Variants in DAB1 observed in about 807,000 individuals in gnomAD.
DAB1 encodes disabled homolog 1.
A neutral mutation model predicts 64.6 loss-of-function variants in DAB1; 15 were observed. The observed-to-expected ratio is 0.23, with a 90% confidence interval of 0.16 to 0.36. The LOEUF is 0.36. Among genes scored for constraint, DAB1 ranks in the 10% least tolerant of loss-of-function variants. The pLI, the probability that DAB1 is intolerant of heterozygous loss-of-function variation, is 1.00. For synonymous variants in DAB1, 235 were observed against 251.9 expected (o/e 0.93, Z 0.64); for missense variants, 596 against 706.7 (o/e 0.84, Z 1.78).
At chr1:57,988,974 CT>C (rs1225394030) in intron 5 of DAB1, among the ~76,000 whole-genome samples, 1 of 152,112 alleles carries the variant, frequency 6.6e-6, no homozygotes, top group Non-Finnish European at 1.5e-5. Context: ...CTGGTTTTCT[CT>C]GCTGGAAGAA....
chr1:58,171,904 A>T (rs1342048672), intron 4 of DAB1, among the ~76,000 whole-genome samples: 3 of 152,234 alleles, frequency 2.0e-5, no homozygotes, highest in Admixed American at 2.0e-4. Flanking sequence ...AGCAGGTCAA[A>T]TATTTAGGCC....
intron 5 of DAB1, among the ~76,000 whole-genome samples, chr1:57,920,836 T>G (rs1644797947): frequency 6.6e-6 from 1 of 152,208 alleles, no homozygotes; most frequent in Admixed American, 6.5e-5. Context: ...CTTTGGATTG[T>G]TGCTGGGACT....
chr1:57,433,887 A>G (rs979942016), intron 7 of DAB1, among the ~76,000 whole-genome samples: 3 of 151,872 alleles, frequency 2.0e-5, no homozygotes, highest in African/African-American at 7.2e-5. Context: ...AAGTAGGTAC[A>G]TGAAGAGATG....
At chr1:58,169,461 G>C (rs1656043321) in intron 4 of DAB1, among the ~76,000 whole-genome samples, 1 of 152,112 alleles carries the variant, frequency 6.6e-6, no homozygotes, top group East Asian at 1.9e-4. Context: ...CTAAGCCATT[G>C]GGAACAATTT....
At chr1:57,135,618 C>T (rs542128301) in intron 4 of DAB1, among the ~76,000 whole-genome samples, 2 of 152,142 alleles carry the variant, frequency 1.3e-5, no homozygotes, top group African/African-American at 4.8e-5. Flanking sequence ...TTTTTCTATA[C>T]CTTTTTTCTT....
At chr1:58,520,251 G>GA (rs1040593968) in intron 2 of DAB1, among the ~76,000 whole-genome samples, 1 of 151,522 alleles carries the variant, frequency 6.6e-6, no homozygotes, top group African/African-American at 2.4e-5. Flanking sequence ...CCTAAACGTT[G>GA]AAAAAAATAA....
chr1:57,050,200 G>T (rs1452774433), intron 9 of DAB1, among the ~76,000 whole-genome samples: 1 of 152,126 alleles, frequency 6.6e-6, no homozygotes, highest in Non-Finnish European at 1.5e-5. Flanking sequence ...CCTGGCATGG[G>T]ATCTGTTTTT....
At chr1:57,912,957 T>C (rs930199283) in intron 5 of DAB1, among the ~76,000 whole-genome samples, 11 of 152,234 alleles carry the variant, frequency 7.2e-5, no homozygotes, top group Non-Finnish European at 1.5e-4. Context: ...TACAAACAAA[T>C]GGAAGAACAT....
At chr1:58,522,752 T>C (rs929880636) in intron 2 of DAB1, among the ~76,000 whole-genome samples, 15 of 152,218 alleles carry the variant, frequency 9.9e-5, no homozygotes, top group African/African-American at 3.6e-4. Flanking sequence ...TTATATACTG[T>C]ATTCTTACAA....
intron 1 of DAB1, among the ~76,000 whole-genome samples, chr1:57,877,342 C>T (rs1438434614): frequency 2.6e-5 from 4 of 152,118 alleles, no homozygotes; most frequent in South Asian, 2.1e-4. Context: ...CCTGAGTTTG[C>T]GTAAGTCTTG....
chr1:57,125,256 G>A (rs4537586), intron 4 of DAB1, among the ~76,000 whole-genome samples: 11 of 152,264 alleles, frequency 7.2e-5, no homozygotes, highest in East Asian at 1.9e-4. Context: ...AGGGACTCCC[G>A]CCCTTGGGGA....
At chr1:57,643,456 T>C (rs1161755121) in intron 7 of DAB1, among the ~76,000 whole-genome samples, 1 of 152,208 alleles carries the variant, frequency 6.6e-6, no homozygotes, top group Admixed American at 6.5e-5. Context: ...ATGTCTATTT[T>C]TGCATTTGCT....
At chr1:57,918,694 G>A (rs1157129464) in intron 5 of DAB1, among the ~76,000 whole-genome samples, 1 of 152,104 alleles carries the variant, frequency 6.6e-6, no homozygotes, top group East Asian at 1.9e-4. Flanking sequence ...CATGGTGGCG[G>A]GCACCTGTAG....
chr1:58,154,080 C>A (rs1655089890), intron 4 of DAB1, among the ~76,000 whole-genome samples: 1 of 151,806 alleles, frequency 6.6e-6, no homozygotes, highest in African/African-American at 2.4e-5. Context: ...TTTGTGTTTC[C>A]TCATGTTATC....
chr1:57,848,901 G>A (rs571393079), intron 1 of DAB1, among the ~76,000 whole-genome samples: 8 of 152,216 alleles, frequency 5.3e-5, no homozygotes, highest in East Asian at 3.9e-4. Flanking sequence ...TGGAATTCCC[G>A]TCACTCCAGG....
intron 2 of DAB1, among the ~76,000 whole-genome samples, chr1:57,233,349 G>A (rs1667843015): frequency 2.3e-5 from 3 of 129,320 alleles, no homozygotes. Flanking sequence ...TGCAAGCTCC[G>A]CCTCCCGGGT....
intron 5 of DAB1, among the ~76,000 whole-genome samples, chr1:58,035,794 C>T (rs1324375442): frequency 1.3e-5 from 2 of 152,128 alleles, no homozygotes; most frequent in Admixed American, 6.5e-5. Context: ...AAACAACCCC[C>T]GGCCTATGGG....
intron 4 of DAB1, among the ~76,000 whole-genome samples, chr1:58,164,415 T>C (rs755982397): frequency 6.6e-6 from 1 of 152,172 alleles, no homozygotes; most frequent in Non-Finnish European, 1.5e-5. Context: ...AAATAGCTGA[T>C]GGTATTTCTT....
intron 1 of DAB1, among the ~76,000 whole-genome samples, chr1:57,877,394 T>A (rs1268380327): frequency 6.6e-6 from 1 of 152,116 alleles, no homozygotes; most frequent in Non-Finnish European, 1.5e-5. Context: ...CAGCTCCCTC[T>A]CTGGATATGA....
Sources: gnomAD v4.1 joint callset for allele counts (sites outside exome capture counted in the v4.1 genomes callset) on GRCh38, gnomAD v4.1.1 for gene constraint, MANE v1.5 for transcripts, NCBI Gene and HGNC (gene_info 2026-07-23, HGNC 2026-07-21) for gene names.